SGCD: variants seen among roughly 807,000 people sequenced by gnomAD.
SGCD encodes sarcoglycan delta, also known as delta-sarcoglycan.
A neutral mutation model predicts 36.6 loss-of-function variants in SGCD; 18 were observed. The ratio of observed to expected loss-of-function variants is 0.49; its 90% CI spans 0.34 to 0.73. The LOEUF (loss-of-function observed/expected upper bound fraction) is 0.73. Ranked by LOEUF, SGCD falls within the 30% of genes least tolerant of loss-of-function variation. SGCD has a pLI of 0.01. For synonymous variants in SGCD, 133 were observed against 130.6 expected (o/e 1.02, Z -0.12); for missense variants, 387 against 346.7 (o/e 1.12, Z -0.92).
the SGCD span, among the ~76,000 whole-genome samples, chr5:155,818,040 G>A: frequency 9.0e-3 from 1,365 of 152,234 alleles, 19 homozygotes; most frequent in African/African-American, 0.031. Context: ...ATTCAGTTTA[G>A]TAAACTATAA....
chr5:156,605,763 T>C (rs550434928), intron 6 of SGCD, among the ~76,000 whole-genome samples: 1 of 152,362 alleles, frequency 6.6e-6, no homozygotes, highest in Admixed American at 6.5e-5. Context: ...AGAGGGTATC[T>C]CATTGTGGTT....
intron 7 of SGCD, among the ~76,000 whole-genome samples, chr5:156,664,916 CTAACGTTA>C (rs1764080409): frequency 6.9e-6 from 1 of 145,782 alleles, no homozygotes; most frequent in African/African-American, 2.6e-5. Flanking sequence ...GGCATCGGTT[CTAACGTTA>C]CTGGGAATTG....
intron 3 of SGCD, among the ~76,000 whole-genome samples, chr5:156,399,810 A>G (rs1772048196): frequency 6.6e-6 from 1 of 152,160 alleles, no homozygotes. Flanking sequence ...CCTAGAGAAG[A>G]AGGGATTATG....
chr5:155,806,019 G>A, the SGCD span, among the ~76,000 whole-genome samples: 1 of 152,198 alleles, frequency 6.6e-6, no homozygotes, highest in African/African-American at 2.4e-5. Context: ...CTAGCCAGTA[G>A]CATTTAAATG....
intron 1 of SGCD, among the ~76,000 whole-genome samples, chr5:155,942,318 G>C (rs200231303): frequency 0.14 from 10,163 of 72,998 alleles, 425 homozygotes; most frequent in South Asian, 0.27. Context: ...ATGTATGTAT[G>C]TATGTATGTA....
At chr5:156,180,154 A>T (rs1763567412) in intron 3 of SGCD, among the ~76,000 whole-genome samples, 1 of 152,188 alleles carries the variant, frequency 6.6e-6, no homozygotes, top group Non-Finnish European at 1.5e-5. Context: ...CTGAGCACAA[A>T]AGTATTTTCT....
At chr5:156,712,364 T>C (rs1247812257) in intron 7 of SGCD, among the ~76,000 whole-genome samples, 1 of 152,198 alleles carries the variant, frequency 6.6e-6, no homozygotes, top group African/African-American at 2.4e-5. Context: ...CTTGTTCAAA[T>C]GAGCTGTTGG....
intron 7 of SGCD, among the ~76,000 whole-genome samples, chr5:156,721,504 A>G (rs1420781801): frequency 6.6e-6 from 1 of 152,234 alleles, no homozygotes; most frequent in Non-Finnish European, 1.5e-5. Flanking sequence ...GTTTTTTCTC[A>G]TCATGGAAAT....
chr5:156,245,667 G>A (rs30281), intron 3 of SGCD, among the ~76,000 whole-genome samples: 48,504 of 151,764 alleles, frequency 0.32, 8,227 homozygotes, highest in African/African-American at 0.36. Flanking sequence ...TCATGTTACG[G>A]GAAATACAGG....
intron 6 of SGCD, among the ~76,000 whole-genome samples, chr5:156,639,508 G>A (rs550593196): frequency 6.6e-5 from 10 of 152,288 alleles, no homozygotes; most frequent in African/African-American, 1.2e-4. Flanking sequence ...ACTAACCACC[G>A]CTAGGCCTTC....
At chr5:155,849,224 T>C in the SGCD span, among the ~76,000 whole-genome samples, 1 of 152,188 alleles carries the variant, frequency 6.6e-6, no homozygotes, top group Non-Finnish European at 1.5e-5. Context: ...ACTTAGGAAT[T>C]TTTAGACGCT....
At chr5:156,511,987 A>T (rs1224893687) in intron 4 of SGCD, among the ~76,000 whole-genome samples, 1 of 152,148 alleles carries the variant, frequency 6.6e-6, no homozygotes, top group African/African-American at 2.4e-5. Context: ...AGAGGTCAGG[A>T]GTTCGAGACC....
chr5:155,753,397 G>A, the SGCD span, among the ~76,000 whole-genome samples: 9 of 152,036 alleles, frequency 5.9e-5, 1 homozygote, highest in South Asian at 1.0e-3. Context: ...TTGTTTGTGT[G>A]TTATCAAAGT....
chr5:156,347,417 G>A (rs1411092968), intron 3 of SGCD, among the ~76,000 whole-genome samples: 3 of 152,188 alleles, frequency 2.0e-5, no homozygotes. Flanking sequence ...TATGGACCTT[G>A]CATTTAAAGA....
At chr5:156,445,369 G>C (rs367989989) in intron 3 of SGCD, among the ~76,000 whole-genome samples, 4 of 151,898 alleles carry the variant, frequency 2.6e-5, no homozygotes, top group East Asian at 3.9e-4. Context: ...AGAACCATAA[G>C]GTCAAAATGG....
intron 1 of SGCD, among the ~76,000 whole-genome samples, chr5:155,996,593 C>T (rs1045425964): frequency 2.6e-5 from 4 of 151,894 alleles, no homozygotes; most frequent in African/African-American, 9.7e-5. Context: ...GCCCGGGCAA[C>T]TTGGTGAAAC....
At chr5:156,576,553 C>T (rs55975207) in intron 4 of SGCD, among the ~76,000 whole-genome samples, 16,296 of 152,140 alleles carry the variant, frequency 0.11, 1,186 homozygotes, top group African/African-American at 0.21. Flanking sequence ...AGTGTAAAAG[C>T]GTTCCTATTT....
intron 3 of SGCD, among the ~76,000 whole-genome samples, chr5:156,437,897 A>T (rs1240702171): frequency 1.3e-5 from 2 of 152,198 alleles, no homozygotes; most frequent in African/African-American, 4.8e-5. Flanking sequence ...TTGAATGAGC[A>T]TTTCAGATCA....
the SGCD span, among the ~76,000 whole-genome samples, chr5:155,789,840 C>T: frequency 6.6e-6 from 1 of 151,948 alleles, no homozygotes; most frequent in African/African-American, 2.4e-5. Flanking sequence ...GCCACACGTC[C>T]CAAAGTTAGT....
Sources: allele counts gnomAD v4.1 joint callset (sites outside exome capture counted in the v4.1 genomes callset), GRCh38; gene constraint gnomAD v4.1.1; transcripts MANE v1.5; gene names NCBI Gene and HGNC (gene_info 2026-07-23, HGNC 2026-07-21).